The following CHODL variants were observed in gnomAD, a reference collection of about 807,000 sequenced individuals.
CHODL encodes the protein transmembrane protein MT75.
In CHODL, 29 loss-of-function variants were observed where a neutral mutation model predicts 34.5. That is an observed-to-expected ratio of 0.84 (90% confidence interval 0.63 to 1.15). CHODL has a LOEUF of 1.15. Among genes scored for constraint, CHODL ranks in the 50% most tolerant of loss-of-function variants. The probability of loss-of-function intolerance (pLI) is 0.00; values close to 1 mark genes in which losing one functional copy is unlikely to be tolerated. For missense variants in CHODL, 332 were observed against 332.5 expected (o/e 1.00, Z 0.01); for synonymous variants, 125 against 116.1 (o/e 1.08, Z -0.49).
intron 2 of CHODL, among the ~76,000 whole-genome samples, chr21:18,044,008 G>T (rs999889041): frequency 6.6e-6 from 1 of 151,962 alleles, no homozygotes; most frequent in Non-Finnish European, 1.5e-5. Context: ...AACACATGGG[G>T]ATTATGGGAG....
At chr21:18,202,788 G>C (rs925967292) in intron 2 of CHODL, among the ~76,000 whole-genome samples, 1 of 152,090 alleles carries the variant, frequency 6.6e-6, no homozygotes, top group Non-Finnish European at 1.5e-5. Context: ...AAACCATTTG[G>C]TTTTTAATAC....
chr21:18,093,731 A>G (rs982017255), intron 2 of CHODL, among the ~76,000 whole-genome samples: 2 of 152,156 alleles, frequency 1.3e-5, no homozygotes, highest in African/African-American at 4.8e-5. Flanking sequence ...AAATCATACA[A>G]TGGATACACA....
At chr21:18,246,782 TA>T (rs1330919547) in intron 1 of CHODL, among the ~76,000 whole-genome samples, 1 of 152,138 alleles carries the variant, frequency 6.6e-6, no homozygotes, top group Non-Finnish European at 1.5e-5. Flanking sequence ...GGAGGAAAAA[TA>T]ATATCTAAAG....
At chr21:18,135,506 T>C (rs1222047544) in intron 2 of CHODL, among the ~76,000 whole-genome samples, 1 of 152,184 alleles carries the variant, frequency 6.6e-6, no homozygotes, top group Non-Finnish European at 1.5e-5. Flanking sequence ...GACTGCCATA[T>C]TTCTCACAAC....
chr21:18,010,750 T>C (rs374012914), intron 1 of CHODL, among the ~76,000 whole-genome samples: 2 of 152,348 alleles, frequency 1.3e-5, no homozygotes, highest in East Asian at 3.9e-4. Flanking sequence ...AAACTTGAGT[T>C]TTTAGGAAAG....
At chr21:17,942,027 A>G (rs1052695347) in intron 1 of CHODL, among the ~76,000 whole-genome samples, 3 of 152,206 alleles carry the variant, frequency 2.0e-5, no homozygotes, top group Non-Finnish European at 2.9e-5. Flanking sequence ...CTTGGGGATT[A>G]AGACTTCAAC....
chr21:18,153,809 C>T (rs1452012998), intron 2 of CHODL, among the ~76,000 whole-genome samples: 2 of 152,070 alleles, frequency 1.3e-5, no homozygotes, highest in Non-Finnish European at 2.9e-5. Context: ...ACCATAACTA[C>T]TAAAACAGAT....
chr21:18,220,677 T>C (rs1002280639), intron 2 of CHODL, among the ~76,000 whole-genome samples: 3 of 151,760 alleles, frequency 2.0e-5, no homozygotes, highest in Non-Finnish European at 4.4e-5. Flanking sequence ...TTGATGGATA[T>C]AGTATTCTTG....
intron 2 of CHODL, among the ~76,000 whole-genome samples, chr21:18,071,365 T>G (rs1041569255): frequency 2.0e-5 from 3 of 151,980 alleles, no homozygotes; most frequent in Admixed American, 6.6e-5. Flanking sequence ...CAGGCTGGTC[T>G]CGAACCCCTG....
chr21:18,221,705 A>G (rs578037346), intron 2 of CHODL, among the ~76,000 whole-genome samples: 1 of 152,192 alleles, frequency 6.6e-6, no homozygotes. Flanking sequence ...TACTCTGGTA[A>G]GGCTTTGCTG....
intron 2 of CHODL, among the ~76,000 whole-genome samples, chr21:18,103,072 A>G (rs1046626202): frequency 3.3e-5 from 5 of 152,184 alleles, no homozygotes; most frequent in Non-Finnish European, 7.4e-5. Context: ...TAATGTTAAG[A>G]ATATGCATTT....
intron 1 of CHODL, among the ~76,000 whole-genome samples, chr21:18,024,153 C>T (rs1436177962): frequency 6.6e-6 from 1 of 152,118 alleles, no homozygotes; most frequent in African/African-American, 2.4e-5. Flanking sequence ...AAATGCTCCC[C>T]ATTTCTTTTT....
At chr21:18,054,801 A>AAT (rs1360886272) in intron 2 of CHODL, among the ~76,000 whole-genome samples, 4 of 151,948 alleles carry the variant, frequency 2.6e-5, no homozygotes, top group Admixed American at 1.3e-4. Context: ...GTGCCCCACA[A>AAT]ATATATATAT....
intron 2 of CHODL, among the ~76,000 whole-genome samples, chr21:18,170,282 A>T (rs1307905804): frequency 6.6e-6 from 1 of 151,700 alleles, no homozygotes; most frequent in Non-Finnish European, 1.5e-5. Context: ...ATATTTTTTC[A>T]TCTTTTATTT....
chr21:18,265,310 C>CACACAT (rs1555887739), intron 5 of CHODL, among the ~76,000 whole-genome samples: 4 of 147,150 alleles, frequency 2.7e-5, no homozygotes, highest in African/African-American at 7.6e-5. Context: ...CACACACACA[C>CACACAT]ATATATATAT....
rs745607801 is a variant in CHODL at position 18,256,572 on chromosome 21, T to C, written c.143T>C (p.Leu48Pro). ...PCYKMAYFHE[L>P]SSRVSFQEAR... Reference sequence around the variant, plus strand: ...TACAAAATGGCCTACTTCCATGAACTGTCCAGCCGAGTGAGCTTTCAGGAG... The same window carrying C: ...TACAAAATGGCCTACTTCCATGAACCGTCCAGCCGAGTGAGCTTTCAGGAG... The change falls in exon 2 of 6, where the codon CTG becomes CCG. Residue 48 changes from leucine (L) to proline (P), a missense_variant. By Grantham distance (98) the Leu-to-Pro change is moderately conservative (BLOSUM62 -3). Coordinates refer to ENST00000299295, the MANE Select transcript of CHODL (RefSeq NM_024944.3). 19 of 1,613,818 alleles carry C rather than the reference T, an allele frequency of 1.2e-5. No homozygotes were observed. Among genetic ancestry groups the C allele is most frequent in the Non-Finnish European group, 1.5e-5 (18 of 1,179,968 alleles).
chr21:18,184,736 G>A (rs2073421057), intron 2 of CHODL, among the ~76,000 whole-genome samples: 1 of 152,062 alleles, frequency 6.6e-6, no homozygotes, highest in Non-Finnish European at 1.5e-5. Flanking sequence ...GGCAGAGGTG[G>A]GCCAACCTTC....
chr21:18,072,220 A>G (rs1279995354), intron 2 of CHODL, among the ~76,000 whole-genome samples: 2 of 152,050 alleles, frequency 1.3e-5, no homozygotes, highest in South Asian at 2.1e-4. Flanking sequence ...ATAAAAATAT[A>G]TAATTCTGAT....
intron 2 of CHODL, among the ~76,000 whole-genome samples, chr21:18,134,907 A>G (rs1486186810): frequency 6.6e-6 from 1 of 152,228 alleles, no homozygotes. Flanking sequence ...CTATGATGTA[A>G]ATAAACCACA....
Sources: gnomAD v4.1 joint callset for allele counts (sites outside exome capture counted in the v4.1 genomes callset) on GRCh38, gnomAD v4.1.1 for gene constraint, MANE v1.5 for transcripts, NCBI Gene and HGNC (gene_info 2026-07-23, HGNC 2026-07-21) for gene names.